Variants in MYO3A observed in about 807,000 individuals in gnomAD.
The protein encoded by MYO3A is myosin IIIA, also known as myosin-IIIa.
In MYO3A, 180 loss-of-function variants were observed where a neutral mutation model predicts 192.7. The ratio of observed to expected loss-of-function variants is 0.93; its 90% confidence interval spans 0.83 to 1.06. The LOEUF is 1.06. Among genes scored for constraint, MYO3A ranks in the 50% least tolerant of loss-of-function variants. The probability of loss-of-function intolerance (pLI) is 0.00; values close to 1 mark genes in which losing one functional copy is unlikely to be tolerated. For synonymous variants in MYO3A, 628 were observed against 645.3 expected (o/e 0.97, Z 0.41); for missense variants, 1,896 against 1,905.0 (o/e 1.00, Z 0.09).
At chr10:26,079,706 G>T (rs1286981164) in intron 14 of MYO3A, among the ~76,000 whole-genome samples, 3 of 152,160 alleles carry the variant, frequency 2.0e-5, no homozygotes, top group Non-Finnish European at 4.4e-5. Flanking sequence ...TCTTATAGTG[G>T]TGGCTTGGTA....
chr10:26,120,813 T>C lies in MYO3A; in HGVS notation c.1903+11T>C. On this transcript the variant is annotated intron_variant, in intron 18 of 34. Coordinates refer to ENST00000642920, the MANE Select transcript of MYO3A (RefSeq NM_017433.5). ...CAGCCCTGGAGAACTGTAAGTTTTA[T>C]TACCTTCTATTCAAAACTGAAATCT... 1 of 1,613,902 alleles carries C rather than the reference T, an allele frequency of 6.2e-7. No individual in the cohort carries two copies. Among genetic ancestry groups the C allele is most frequent in the South Asian group, 1.1e-5 (1 of 91,076 alleles).
At chr10:25,938,128 A>T (rs1827486048) in intron 2 of MYO3A, among the ~76,000 whole-genome samples, 1 of 152,216 alleles carries the variant, frequency 6.6e-6, no homozygotes, top group Non-Finnish European at 1.5e-5. Context: ...TAGTCATTCC[A>T]GGAGAATAAT....
intron 10 of MYO3A, among the ~76,000 whole-genome samples, chr10:26,057,085 T>C (rs1371595431): frequency 6.6e-6 from 1 of 152,184 alleles, no homozygotes; most frequent in African/African-American, 2.4e-5. Flanking sequence ...AATAGGACGA[T>C]AAGAAGGTCA....
intron 4 of MYO3A, among the ~76,000 whole-genome samples, chr10:25,988,877 T>G: frequency 6.7e-6 from 1 of 148,798 alleles, no homozygotes; most frequent in Non-Finnish European, 1.5e-5. Context: ...ACTGGAGAAA[T>G]AGGAAGATAA....
chr10:26,044,167 A>G (rs1043696852), intron 10 of MYO3A, among the ~76,000 whole-genome samples: 4 of 152,066 alleles, frequency 2.6e-5, no homozygotes, highest in Non-Finnish European at 5.9e-5. Context: ...CTATCTTACT[A>G]TGGCTGAGCT....
intron 10 of MYO3A, among the ~76,000 whole-genome samples, chr10:26,052,679 T>C (rs1844073545): frequency 6.6e-6 from 1 of 152,218 alleles, no homozygotes; most frequent in African/African-American, 2.4e-5. Context: ...AGATTGCTAT[T>C]CTACCCCAGT....
chr10:26,103,266 G>T (rs1049579552), intron 17 of MYO3A, among the ~76,000 whole-genome samples: 1 of 152,176 alleles, frequency 6.6e-6, no homozygotes, highest in Admixed American at 6.5e-5. Context: ...GGAGTGTCCC[G>T]ATTTTCCAGG....
chr10:26,090,683 G>A (rs1429811595), intron 15 of MYO3A, among the ~76,000 whole-genome samples: 1 of 152,204 alleles, frequency 6.6e-6, no homozygotes, highest in East Asian at 1.9e-4. Flanking sequence ...ATTGATGGAA[G>A]AATTCTTAAT....
At chr10:25,984,933 C>T (rs993581500) in intron 4 of MYO3A, among the ~76,000 whole-genome samples, 3 of 152,082 alleles carry the variant, frequency 2.0e-5, no homozygotes, top group African/African-American at 7.2e-5. Flanking sequence ...AGCATTAAAT[C>T]CCTACTACAT....
chr10:26,110,766 A>AC (rs1403318927), intron 17 of MYO3A, among the ~76,000 whole-genome samples: 2 of 151,954 alleles, frequency 1.3e-5, no homozygotes, highest in Non-Finnish European at 2.9e-5. Context: ...TGTGCCATTG[A>AC]CCTTACCTGA....
chr10:26,017,985 TATA>T (rs1341612191), intron 7 of MYO3A, among the ~76,000 whole-genome samples: 4 of 149,622 alleles, frequency 2.7e-5, no homozygotes, highest in African/African-American at 4.9e-5. Context: ...CATATATTAA[TATA>T]ATAATAAATA....
At chr10:26,035,892 G>A (rs536071323) in intron 10 of MYO3A, among the ~76,000 whole-genome samples, 1 of 151,886 alleles carries the variant, frequency 6.6e-6, no homozygotes, top group African/African-American at 2.4e-5. Context: ...GCATTACTAA[G>A]TAGAATATTC....
chr10:26,150,555 G>A (rs1046950307), intron 23 of MYO3A, among the ~76,000 whole-genome samples: 1 of 152,116 alleles, frequency 6.6e-6, no homozygotes, highest in African/African-American at 2.4e-5. Flanking sequence ...TTAGTAGATT[G>A]TGTTTTTTAA....
chr10:26,099,348 A>G (rs1837277689), intron 17 of MYO3A, among the ~76,000 whole-genome samples: 1 of 152,198 alleles, frequency 6.6e-6, no homozygotes, highest in Non-Finnish European at 1.5e-5. Flanking sequence ...CAGTCATGTC[A>G]TCTGCAAACA....
intron 10 of MYO3A, among the ~76,000 whole-genome samples, chr10:26,057,004 C>T (rs528399607): frequency 2.0e-5 from 3 of 151,944 alleles, no homozygotes; most frequent in South Asian, 4.2e-4. Context: ...GAGAGAATTT[C>T]AAGACAGTAG....
At chr10:26,111,231 C>A (rs16926590) in intron 17 of MYO3A, among the ~76,000 whole-genome samples, 1 of 152,030 alleles carries the variant, frequency 6.6e-6, no homozygotes, top group African/African-American at 2.4e-5. Flanking sequence ...GAGGAACTCC[C>A]TGACTCAGAA....
At chr10:25,980,567 A>G (rs1392629667) in intron 4 of MYO3A, among the ~76,000 whole-genome samples, 1 of 152,216 alleles carries the variant, frequency 6.6e-6, no homozygotes, top group Non-Finnish European at 1.5e-5. Flanking sequence ...TGTATTGGAT[A>G]TAAAATTCAG....
At chr10:25,958,237 G>GT (rs2130618596) in intron 4 of MYO3A, among the ~76,000 whole-genome samples, 2 of 152,242 alleles carry the variant, frequency 1.3e-5, no homozygotes, top group Admixed American at 1.3e-4. Flanking sequence ...TTACAGTTAA[G>GT]TCTTTAATCT....
At chr10:26,106,075 CT>C (rs904572533) in intron 17 of MYO3A, among the ~76,000 whole-genome samples, 41 of 152,014 alleles carry the variant, frequency 2.7e-4, no homozygotes, top group African/African-American at 9.7e-4. Context: ...CTCTCGCTTT[CT>C]TCTTTTCCAT....
Sources: allele counts gnomAD v4.1 joint callset (sites outside exome capture counted in the v4.1 genomes callset), GRCh38; gene constraint gnomAD v4.1.1; transcripts MANE v1.5; gene names NCBI Gene and HGNC (gene_info 2026-07-23, HGNC 2026-07-21).